The following DCC variants were observed in gnomAD, a reference collection of about 807,000 sequenced individuals.
The protein encoded by DCC is DCC netrin 1 receptor.
In DCC, 58 loss-of-function variants were observed where a neutral mutation model predicts 172.5. That is an observed-to-expected ratio of 0.34 (90% CI 0.27 to 0.42). The LOEUF (loss-of-function observed/expected upper bound fraction) is 0.42. DCC is among the 10% of genes least tolerant of loss of function. The pLI, the probability that DCC is intolerant of heterozygous loss-of-function variation, is 1.00. For synonymous variants in DCC, 709 were observed against 644.5 expected (o/e 1.10, Z -1.52); for missense variants, 1,740 against 1,791.0 (o/e 0.97, Z 0.51).
chr18:52,798,174 C>T (rs554679424), intron 2 of DCC, among the ~76,000 whole-genome samples: 18 of 152,186 alleles, frequency 1.2e-4, no homozygotes, highest in Non-Finnish European at 1.9e-4. Flanking sequence ...ACCCAGGCCT[C>T]GAACAATGTG....
chr18:53,171,358 T>C (rs554351602), intron 8 of DCC, among the ~76,000 whole-genome samples: 3 of 152,280 alleles, frequency 2.0e-5, no homozygotes, highest in South Asian at 2.1e-4. Flanking sequence ...GGTTGAACCA[T>C]AGAGTTGTCT....
intron 1 of DCC, among the ~76,000 whole-genome samples, chr18:52,446,870 C>A (rs1988141289): frequency 1.3e-5 from 2 of 152,192 alleles, no homozygotes; most frequent in Non-Finnish European, 1.5e-5. Flanking sequence ...AGTTTTAAAT[C>A]TTGGGTTTAT....
chr18:53,058,608 G>GA (rs1317099586), intron 5 of DCC, among the ~76,000 whole-genome samples: 2 of 151,922 alleles, frequency 1.3e-5, no homozygotes, highest in African/African-American at 2.4e-5. Flanking sequence ...TCATCACTGA[G>GA]AAAAAAACAG....
At position 53,369,165 on chromosome 18, in the gene DCC, A is replaced by G. The variant is rs540595011; in HGVS notation, c.2360-16878A>G. On this transcript the variant is annotated intron_variant, in intron 15 of 28. Transcript: ENST00000442544. ...AGTCTTTTATCTCCTTGGCTCAGTTAATTTTGAAGGATTTTATTTTTTGTA... is the reference window on the plus strand; with the variant it reads ...AGTCTTTTATCTCCTTGGCTCAGTTGATTTTGAAGGATTTTATTTTTTGTA... Among the ~76,000 whole-genome samples the G allele has an allele frequency of 8.6e-5, 13 of 151,932 alleles. 1 individual carries two copies. In the South Asian group the frequency reaches 2.7e-3, roughly 31 times the overall value.
At chr18:53,254,283 C>T (rs2056477297) in intron 12 of DCC, among the ~76,000 whole-genome samples, 1 of 152,050 alleles carries the variant, frequency 6.6e-6, no homozygotes, top group Admixed American at 6.6e-5. Flanking sequence ...ACTCAGCACA[C>T]TTGAAAGAAG....
intron 1 of DCC, among the ~76,000 whole-genome samples, chr18:52,511,532 A>C (rs1002523538): frequency 1.3e-5 from 2 of 152,164 alleles, no homozygotes; most frequent in Admixed American, 6.5e-5. Context: ...CAATTTCTAC[A>C]GATATTTTTG....
intron 1 of DCC, among the ~76,000 whole-genome samples, chr18:52,414,421 G>C (rs1986947757): frequency 6.6e-6 from 1 of 152,046 alleles, no homozygotes; most frequent in Non-Finnish European, 1.5e-5. Flanking sequence ...GCTTTATCTT[G>C]CTTTTAGCCC....
At chr18:53,051,369 A>G (rs1485461437) in intron 5 of DCC, among the ~76,000 whole-genome samples, 1 of 152,140 alleles carries the variant, frequency 6.6e-6, no homozygotes, top group East Asian at 1.9e-4. Flanking sequence ...TTTAGTATCT[A>G]AAGTATTTGT....
intron 1 of DCC, among the ~76,000 whole-genome samples, chr18:52,635,738 TCTGA>T (rs1162204639): frequency 6.6e-6 from 1 of 152,170 alleles, no homozygotes; most frequent in Admixed American, 6.5e-5. Flanking sequence ...CACGTTCCAT[TCTGA>T]CTATGAAAAA....
chr18:53,454,368 T>C (rs1052373211), intron 23 of DCC, among the ~76,000 whole-genome samples: 1 of 152,072 alleles, frequency 6.6e-6, no homozygotes, highest in Non-Finnish European at 1.5e-5. Context: ...GAAACAAAAC[T>C]TAAGTTGATT....
chr18:52,733,500 T>C (rs1442813575), intron 1 of DCC, among the ~76,000 whole-genome samples: 1 of 152,060 alleles, frequency 6.6e-6, no homozygotes, highest in African/African-American at 2.4e-5. Flanking sequence ...CCGCCTTTTT[T>C]TGTTTTTTGT....
rs1332338514 is a variant in DCC at position 52,370,369 on chromosome 18, C to T, written c.91+29491C>T. ...TAGACTGGATAAAGAAAATGTGGTA[C>T]ATATACACCATGGAATAAAAGGAAC... is the stretch of plus-strand genomic sequence containing the variant. On this transcript the variant is annotated intron_variant, in intron 1 of 28. Coordinates refer to ENST00000442544, the MANE Select transcript of DCC (RefSeq NM_005215.4). Among the ~76,000 whole-genome samples, 5 of 152,126 alleles carry T rather than the reference C, an allele frequency of 3.3e-5. 1 individual carries two copies. The highest frequency in any genetic ancestry group is 2.0e-4 in the Admixed American group (3 of 15,262).
chr18:53,073,385 C>A (rs1009016800), intron 7 of DCC, among the ~76,000 whole-genome samples: 3 of 151,920 alleles, frequency 2.0e-5, no homozygotes. Context: ...GTTAGCCGGG[C>A]GTGGTGGCGG....
intron 12 of DCC, among the ~76,000 whole-genome samples, chr18:53,252,360 A>G (rs774081202): frequency 1.3e-5 from 2 of 151,988 alleles, no homozygotes; most frequent in Non-Finnish European, 2.9e-5. Flanking sequence ...ATGACCCCAA[A>G]GAAAGACTGA....
At chr18:53,135,219 G>C (rs1470297233) in intron 7 of DCC, among the ~76,000 whole-genome samples, 1 of 152,096 alleles carries the variant, frequency 6.6e-6, no homozygotes, top group East Asian at 1.9e-4. Flanking sequence ...AATTTCAGGG[G>C]AGAATGATGG....
At chr18:53,321,771 T>A (rs2057413777) in intron 13 of DCC, among the ~76,000 whole-genome samples, 1 of 152,206 alleles carries the variant, frequency 6.6e-6, no homozygotes, top group African/African-American at 2.4e-5. Flanking sequence ...TATTTCTTCA[T>A]CATTTATATT....
intron 5 of DCC, among the ~76,000 whole-genome samples, chr18:52,941,666 A>G (rs560016422): frequency 1.1e-4 from 17 of 152,230 alleles, no homozygotes; most frequent in Non-Finnish European, 2.5e-4. Context: ...TTGAAAATAC[A>G]GAAAAGTAGA....
At chr18:53,214,061 A>C (rs1229920852) in intron 11 of DCC, among the ~76,000 whole-genome samples, 1 of 152,082 alleles carries the variant, frequency 6.6e-6, no homozygotes, top group Non-Finnish European at 1.5e-5. Context: ...AAAATGAATA[A>C]ATATCTTTTT....
chr18:52,865,965 C>A (rs530386605), intron 2 of DCC, among the ~76,000 whole-genome samples: 1 of 151,526 alleles, frequency 6.6e-6, no homozygotes, highest in Non-Finnish European at 1.5e-5. Context: ...AAGTCTTTGC[C>A]CATTCCTATG....
Sources: gnomAD v4.1 joint callset for allele counts (sites outside exome capture counted in the v4.1 genomes callset) on GRCh38, gnomAD v4.1.1 for gene constraint, MANE v1.5 for transcripts, NCBI Gene and HGNC (gene_info 2026-07-23, HGNC 2026-07-21) for gene names.